The following CPNE4 variants were observed in gnomAD, a reference collection of about 807,000 sequenced individuals.
CPNE4 encodes copine 4, also known as copine-4.
Under a neutral mutation model 67.9 loss-of-function variants are expected in CPNE4, and 25 were observed. The ratio of observed to expected loss-of-function variants is 0.37; its 90% CI spans 0.27 to 0.51. The LOEUF is 0.51. CPNE4 is among the 20% of genes least tolerant of loss of function. CPNE4 has a pLI of 0.93. For synonymous variants in CPNE4, 242 were observed against 244.9 expected (o/e 0.99, Z 0.11); for missense variants, 464 against 690.8 (o/e 0.67, Z 3.68).
At position 131,884,804 on chromosome 3, in the gene CPNE4, G is replaced by A. The variant is rs138503378; in HGVS notation, c.180+20460C>T. ...TATTCCTTTCCTCTCTTTGCCTGCT[G>A]CTATCCATGTAAGATGTGACTTGTT... On this transcript the variant is annotated intron_variant, in intron 2 of 15. Transcript: ENST00000429747. Among the ~76,000 whole-genome samples the A allele has an allele frequency of 4.8e-3, 731 of 152,266 alleles. 9 individuals are homozygous for A. The highest frequency in any genetic ancestry group is 0.016 in the African/African-American group (645 of 41,546).
intron 1 of CPNE4, among the ~76,000 whole-genome samples, chr3:131,967,533 T>C (rs1427409001): frequency 1.3e-5 from 2 of 152,136 alleles, no homozygotes; most frequent in Non-Finnish European, 2.9e-5. Context: ...AGTCTCAGGA[T>C]ACAAAATCAG....
At chr3:131,791,871 T>C (rs2083733080) in intron 2 of CPNE4, among the ~76,000 whole-genome samples, 1 of 152,188 alleles carries the variant, frequency 6.6e-6, no homozygotes, top group African/African-American at 2.4e-5. Context: ...GGCCACTTGG[T>C]GCCTTGGGGC....
rs2081258233 is a variant in CPNE4, at chr3:131,700,062, T to TC, written c.361-83_361-82insG. 4 of 740,680 alleles carry TC rather than the reference T, an allele frequency of 5.4e-6. No individual in the cohort carries two copies. The East Asian group carries it at 1.2e-4, about 23-fold the overall frequency. The allele number at this position is 740,680 out of a possible 1,614,324, so 45.9% of individuals were successfully genotyped here. A position where few individuals can be genotyped will look rare whatever the true frequency, so the allele number is the denominator to read the frequency against. ...AGATCTATTTTTTAAACCTTTTTTT[T>TC]TTTTTTTTTTTTTTTACAAAACTCT... On this transcript the variant is annotated intron_variant, in intron 3 of 15. Transcript: ENST00000429747.
chr3:131,981,794 T>G (rs1417019509), intron 1 of CPNE4, among the ~76,000 whole-genome samples: 1 of 152,086 alleles, frequency 6.6e-6, no homozygotes, highest in Admixed American at 6.5e-5. Flanking sequence ...TTCACTCAGC[T>G]CTCCAAATTG....
intron 1 of CPNE4, among the ~76,000 whole-genome samples, chr3:131,974,103 C>T (rs1328267199): frequency 2.0e-5 from 3 of 152,186 alleles, no homozygotes; most frequent in Non-Finnish European, 4.4e-5. Flanking sequence ...GGTATTTGGA[C>T]AGAATCTGTC....
intron 3 of CPNE4, among the ~76,000 whole-genome samples, chr3:131,709,793 G>A (rs748552092): frequency 8.5e-5 from 13 of 152,232 alleles, no homozygotes; most frequent in Admixed American, 3.3e-4. Context: ...CATAGGGTCT[G>A]GCAGAATATA....
chr3:131,641,549 T>G (rs1285588471), intron 7 of CPNE4, among the ~76,000 whole-genome samples: 3 of 152,160 alleles, frequency 2.0e-5, no homozygotes, highest in Non-Finnish European at 4.4e-5. Flanking sequence ...AAGGGAACAC[T>G]TTTACACTGA....
chr3:131,976,134 C>A (rs1404560512), intron 1 of CPNE4, among the ~76,000 whole-genome samples: 2 of 148,306 alleles, frequency 1.3e-5, no homozygotes, highest in African/African-American at 5.0e-5. Flanking sequence ...CCTCCCTCAA[C>A]CTCCTGTAAA....
intron 2 of CPNE4, among the ~76,000 whole-genome samples, chr3:131,813,477 GTATT>G (rs1298071754): frequency 6.8e-6 from 1 of 148,108 alleles, no homozygotes; most frequent in Non-Finnish European, 1.5e-5. Flanking sequence ...TTATTTATAT[GTATT>G]TATTTAAAAT....
At chr3:132,014,812 C>A (rs954035393) in intron 1 of CPNE4, among the ~76,000 whole-genome samples, 19 of 152,110 alleles carry the variant, frequency 1.2e-4, no homozygotes, top group African/African-American at 4.6e-4. Context: ...GTATTATATA[C>A]TTCCAAAGTC....
chr3:132,006,034 C>T (rs1395761406), intron 1 of CPNE4, among the ~76,000 whole-genome samples: 1 of 152,120 alleles, frequency 6.6e-6, no homozygotes, highest in Non-Finnish European at 1.5e-5. Flanking sequence ...TGCTGCAGTT[C>T]TGTGAGAATA....
intron 9 of CPNE4, among the ~76,000 whole-genome samples, chr3:131,580,086 C>G (rs1232186979): frequency 6.6e-6 from 1 of 152,028 alleles, no homozygotes; most frequent in Non-Finnish European, 1.5e-5. Flanking sequence ...TTACCTCAGC[C>G]ACCCCAACTT....
chr3:131,691,711 TA>T lies in CPNE4; in HGVS notation c.507+4830del, dbSNP rs879664170. Among the ~76,000 whole-genome samples, 293 of 150,756 alleles carry T rather than the reference TA, an allele frequency of 1.9e-3. 4 individuals carry two copies. Among genetic ancestry groups the T allele is most frequent in the African/African-American group, 6.3e-3 (261 of 41,140 alleles). On this transcript the variant is annotated intron_variant, in intron 5 of 15. Coordinates refer to ENST00000429747, the MANE Select transcript of CPNE4 (RefSeq NM_130808.3). ...GCATCTAAAATAAAAGTTGAAATAT[TA>T]AAAAAAAAGTGGGCTACTATGATGA...
intron 10 of CPNE4, among the ~76,000 whole-genome samples, chr3:131,574,108 G>T (rs1183117164): frequency 6.6e-6 from 1 of 152,036 alleles, no homozygotes; most frequent in Non-Finnish European, 1.5e-5. Flanking sequence ...TGGGCCCAAA[G>T]CTTGACTAAA....
intron 2 of CPNE4, among the ~76,000 whole-genome samples, chr3:131,757,218 G>T (rs534774358): frequency 3.9e-5 from 6 of 152,210 alleles, no homozygotes; most frequent in Non-Finnish European, 7.3e-5. Context: ...AAGAAGACAG[G>T]AAAATGTGGG....
chr3:131,882,723 ATTTTTT>A (rs534737633), intron 2 of CPNE4, among the ~76,000 whole-genome samples: 1 of 136,162 alleles, frequency 7.3e-6, no homozygotes, highest in Non-Finnish European at 1.6e-5. Flanking sequence ...GTTCTGCTCT[ATTTTTT>A]TTTTTTTTTT....
chr3:131,636,518 A>G (rs2079390421), intron 7 of CPNE4, among the ~76,000 whole-genome samples: 1 of 152,154 alleles, frequency 6.6e-6, no homozygotes, highest in Admixed American at 6.5e-5. Context: ...GAGCTCAGAC[A>G]CTACTATCCC....
At chr3:131,832,441 T>C (rs1379978655) in intron 2 of CPNE4, among the ~76,000 whole-genome samples, 1 of 152,136 alleles carries the variant, frequency 6.6e-6, no homozygotes, top group African/African-American at 2.4e-5. Context: ...TGCCAGAACT[T>C]TGCAGGTGGG....
rs540372843 is a variant in CPNE4, at chr3:131,828,231, G to C, written c.180+77033C>G. Among the ~76,000 whole-genome samples the C allele has an allele frequency of 7.9e-5, 12 of 152,180 alleles. No individual in the cohort carries two copies. The South Asian group carries it at 2.5e-3, about 32-fold the overall frequency. Reference sequence around the variant, plus strand: ...ATAATAAAAGGCACAGATTTTAAGAGCACAGTTCAATGAGTTTTGGCAAAT... The same window carrying C: ...ATAATAAAAGGCACAGATTTTAAGACCACAGTTCAATGAGTTTTGGCAAAT... On this transcript the variant is annotated intron_variant, in intron 2 of 15. Transcript: ENST00000429747.
Sources: gnomAD v4.1 joint callset for allele counts (sites outside exome capture counted in the v4.1 genomes callset) on GRCh38, gnomAD v4.1.1 for gene constraint, MANE v1.5 for transcripts, NCBI Gene and HGNC (gene_info 2026-07-23, HGNC 2026-07-21) for gene names.